Variants in EXOC6B observed in about 807,000 individuals in gnomAD.
EXOC6B encodes the protein SEC15 homolog B.
In EXOC6B, 54 loss-of-function variants were observed where a neutral mutation model predicts 113.5. The observed-to-expected ratio is 0.48, with a 90% CI of 0.38 to 0.60. The LOEUF is 0.60. EXOC6B is among the 20% of genes least tolerant of loss of function. EXOC6B has a pLI of 0.00. For synonymous variants in EXOC6B, 357 were observed against 339.0 expected, an observed-to-expected ratio of 1.05 and a Z score of -0.58; for missense variants, 797 against 977.5, an observed-to-expected ratio of 0.82 and a Z score of 2.46.
At chr2:72,789,312 A>C (rs1437833072) in intron 1 of EXOC6B, among the ~76,000 whole-genome samples, 1 of 152,230 alleles carries the variant, frequency 6.6e-6, no homozygotes, top group African/African-American at 2.4e-5. Context: ...TCTAGCTCCA[A>C]GCAATAAATG....
At chr2:72,459,969 C>T (rs1193997583) in intron 18 of EXOC6B, among the ~76,000 whole-genome samples, 3 of 152,108 alleles carry the variant, frequency 2.0e-5, no homozygotes, top group Admixed American at 6.5e-5. Flanking sequence ...TATAAGGCTA[C>T]AGTAACCAAA....
chr2:72,560,968 G>C (rs755676096), intron 7 of EXOC6B, among the ~76,000 whole-genome samples: 3 of 151,930 alleles, frequency 2.0e-5, no homozygotes, highest in Non-Finnish European at 4.4e-5. Flanking sequence ...TTGTATGAGT[G>C]CAAATGGACA....
At chr2:72,567,927 T>C (rs1704281933) in intron 7 of EXOC6B, among the ~76,000 whole-genome samples, 1 of 152,056 alleles carries the variant, frequency 6.6e-6, no homozygotes, top group Admixed American at 6.6e-5. Context: ...TTATAACAAC[T>C]ATAGTAACAT....
chr2:72,621,186 CA>C (rs1336417550), intron 6 of EXOC6B, among the ~76,000 whole-genome samples: 1 of 151,972 alleles, frequency 6.6e-6, no homozygotes, highest in Non-Finnish European at 1.5e-5. Context: ...ATCACTATGC[CA>C]AAAGACACAT....
chr2:72,585,728 C>A (rs1383245681), intron 6 of EXOC6B, among the ~76,000 whole-genome samples: 4 of 152,062 alleles, frequency 2.6e-5, no homozygotes, highest in Non-Finnish European at 4.4e-5. Context: ...GGTAACACAA[C>A]CTCTAAAGAT....
At chr2:72,311,436 C>T (rs1687178376) in intron 20 of EXOC6B, among the ~76,000 whole-genome samples, 1 of 152,112 alleles carries the variant, frequency 6.6e-6, no homozygotes, top group South Asian at 2.1e-4. Flanking sequence ...CTTCCTCCAT[C>T]TTCAAAACCA....
intron 18 of EXOC6B, among the ~76,000 whole-genome samples, chr2:72,435,075 G>A (rs1252558195): frequency 1.3e-5 from 2 of 152,076 alleles, no homozygotes; most frequent in East Asian, 1.9e-4. Context: ...ACACTGCTTT[G>A]GCTGTGTCCC....
At chr2:72,291,401 C>G (rs939917602) in intron 20 of EXOC6B, among the ~76,000 whole-genome samples, 3 of 152,202 alleles carry the variant, frequency 2.0e-5, no homozygotes, top group African/African-American at 7.2e-5. Context: ...ACATTCTCCT[C>G]CACCTTCAAT....
chr2:72,721,747 T>C (rs981205980), intron 5 of EXOC6B: 2 of 152,048 alleles, frequency 1.3e-5, no homozygotes, highest in Non-Finnish European at 2.9e-5. Flanking sequence ...AAAAGGCTAA[T>C]AAAATAGCAA....
intron 18 of EXOC6B, among the ~76,000 whole-genome samples, chr2:72,448,487 T>C (rs1434027716): frequency 6.6e-6 from 1 of 152,172 alleles, no homozygotes; most frequent in African/African-American, 2.4e-5. Flanking sequence ...TAAGCTATAC[T>C]AAACAAGAAT....
At chr2:72,364,428 C>A (rs149423922) in intron 19 of EXOC6B, among the ~76,000 whole-genome samples, 1 of 152,100 alleles carries the variant, frequency 6.6e-6, no homozygotes, top group Non-Finnish European at 1.5e-5. Context: ...CGTGGACTGT[C>A]AAGCCCTTCA....
At position 72,263,149 on chromosome 2, in the gene EXOC6B, G is replaced by A. The variant is rs181187212; in HGVS notation, c.2196+71798C>T. On this transcript the variant is annotated intron_variant, in intron 20 of 21. Coordinates refer to ENST00000272427, the MANE Select transcript of EXOC6B (RefSeq NM_015189.3). Reference sequence around the variant, plus strand: ...CTAAACTTGCCCTATGAAATTAACCGGCTCCCAGAGTGAGCTGCTCTGGAT... The same window carrying A: ...CTAAACTTGCCCTATGAAATTAACCAGCTCCCAGAGTGAGCTGCTCTGGAT... 5 of 152,206 alleles carry A rather than the reference G, an allele frequency of 3.3e-5. No homozygotes were observed. The East Asian group carries it at 7.7e-4, about 24-fold the overall frequency. 9.4% of individuals were successfully genotyped at this position (152,206 alleles called of 1,614,324 possible).
intron 20 of EXOC6B, among the ~76,000 whole-genome samples, chr2:72,206,856 T>C (rs981805103): frequency 2.0e-5 from 3 of 152,222 alleles, no homozygotes; most frequent in Admixed American, 1.3e-4. Flanking sequence ...GATAATGTAG[T>C]TTTATTGTGT....
intron 6 of EXOC6B, among the ~76,000 whole-genome samples, chr2:72,605,326 C>A (rs1670690695): frequency 6.6e-6 from 1 of 151,246 alleles, no homozygotes; most frequent in Non-Finnish European, 1.5e-5. Context: ...GAATCTCCAA[C>A]TTACAGAGTG....
intron 20 of EXOC6B, among the ~76,000 whole-genome samples, chr2:72,249,128 T>C (rs1367255666): frequency 6.6e-6 from 1 of 152,142 alleles, no homozygotes; most frequent in Non-Finnish European, 1.5e-5. Flanking sequence ...TAGCCAGGCA[T>C]GGTGTAATAT....
intron 6 of EXOC6B, among the ~76,000 whole-genome samples, chr2:72,581,254 T>C (rs557403833): frequency 2.8e-4 from 43 of 152,274 alleles, no homozygotes; most frequent in Admixed American, 5.2e-4. Flanking sequence ...TTCACACTTA[T>C]CAGGACTGGC....
In EXOC6B at chr2:72,177,770, G is replaced by A. The variant is rs769871461; in HGVS notation, c.*1565C>T. 4 of 152,214 alleles carry A rather than the reference G, an allele frequency of 2.6e-5. No individual in the cohort carries two copies. The highest frequency in any genetic ancestry group is 6.5e-5 in the Admixed American group (1 of 15,284). The allele number at this position is 152,214 out of a possible 1,614,324, so 9.4% of individuals were successfully genotyped here. A position where few individuals can be genotyped will look rare whatever the true frequency, so the allele number is the denominator to read the frequency against. On this transcript the variant is annotated 3_prime_UTR_variant, in exon 22 of 22. Transcript: ENST00000272427. ...CAGAAGCAACTCAGTAGCTGACAAAGGTAGTGAAGAATTCTGTTTGATGAG... is the reference window on the plus strand; with the variant it reads ...CAGAAGCAACTCAGTAGCTGACAAAAGTAGTGAAGAATTCTGTTTGATGAG...
intron 20 of EXOC6B, among the ~76,000 whole-genome samples, chr2:72,306,769 T>C (rs1213392464): frequency 6.6e-6 from 1 of 152,190 alleles, no homozygotes; most frequent in African/African-American, 2.4e-5. Flanking sequence ...TCCAAAAATC[T>C]TGTCCGTTGT....
chr2:72,543,434 T>G (rs562163454), intron 8 of EXOC6B, among the ~76,000 whole-genome samples: 1 of 152,194 alleles, frequency 6.6e-6, no homozygotes, highest in African/African-American at 2.4e-5. Flanking sequence ...TGAGATATTA[T>G]TATTAAAAAG....
Sources: allele counts gnomAD v4.1 joint callset (sites outside exome capture counted in the v4.1 genomes callset), GRCh38; gene constraint gnomAD v4.1.1; transcripts MANE v1.5; gene names NCBI Gene and HGNC (gene_info 2026-07-23, HGNC 2026-07-21).